RYR2: variants seen among roughly 807,000 people sequenced by gnomAD.
RYR2 encodes cardiac muscle ryanodine receptor-calcium release channel.
In RYR2, 227 loss-of-function variants were observed where a neutral mutation model predicts 601.1. That is an observed-to-expected ratio of 0.38 (90% CI 0.34 to 0.42). The LOEUF (loss-of-function observed/expected upper bound fraction) is 0.42. RYR2 is among the 10% of genes least tolerant of loss of function. The pLI, the probability that RYR2 is intolerant of heterozygous loss-of-function variation, is 1.00. For synonymous variants in RYR2, 2,223 were observed against 2,175.1 expected (o/e 1.02, Z -0.61); for missense variants, 4,646 against 6,156.5 (o/e 0.75, Z 8.21).
rs1226006232 is a variant in RYR2, at chr1:237,527,113, G to A, written c.2823-3314G>A. 1.8e-4 allele frequency among the ~76,000 whole-genome samples: 28 copies of A among 152,148 alleles called. 1 individual carries two copies. Among genetic ancestry groups the A allele is most frequent in the Admixed American group, 1.8e-3 (27 of 15,264 alleles). ...CTTTGTCAAAGATCAGTTGGTTGTA[G>A]GTATGTGGCTTTATTTTTGGGTTCT... is the stretch of plus-strand genomic sequence containing the variant. On this transcript the variant is annotated intron_variant, in intron 24 of 104. Coordinates refer to ENST00000366574, the MANE Select transcript of RYR2 (RefSeq NM_001035.3).
chr1:237,193,068 A>G (rs1290136243), intron 1 of RYR2, among the ~76,000 whole-genome samples: 1 of 147,508 alleles, frequency 6.8e-6, no homozygotes, highest in Non-Finnish European at 1.5e-5. Flanking sequence ...CATGCCTGTA[A>G]TCCCAGCATT....
intron 10 of RYR2, among the ~76,000 whole-genome samples, chr1:237,405,787 G>A (rs917697067): frequency 7.9e-5 from 12 of 151,640 alleles, no homozygotes; most frequent in African/African-American, 2.4e-4. Context: ...TGTTTACTGT[G>A]ATTTGAGGGT....
chr1:237,536,924 A>T (rs1436002335), intron 25 of RYR2, among the ~76,000 whole-genome samples: 1 of 152,036 alleles, frequency 6.6e-6, no homozygotes, highest in Non-Finnish European at 1.5e-5. Context: ...AAGAACTCCT[A>T]AAAATTAATA....
chr1:237,683,632 G>A (rs1471693734), intron 62 of RYR2, among the ~76,000 whole-genome samples: 2 of 152,104 alleles, frequency 1.3e-5, no homozygotes, highest in Non-Finnish European at 2.9e-5. Context: ...TTATATAGAT[G>A]GTAATGGATA....
intron 35 of RYR2, among the ~76,000 whole-genome samples, chr1:237,603,798 A>G (rs1676786069): frequency 6.6e-6 from 1 of 152,180 alleles, no homozygotes; most frequent in Admixed American, 6.5e-5. Context: ...CAGACTTTAA[A>G]CCAACAAAGA....
chr1:237,710,194 C>T (rs2149072575), intron 70 of RYR2, among the ~76,000 whole-genome samples: 1 of 152,198 alleles, frequency 6.6e-6, no homozygotes, highest in East Asian at 1.9e-4. Flanking sequence ...ATCATTATTT[C>T]AGTAACTAGC....
chr1:237,161,183 G>A (rs1675968538), intron 1 of RYR2, among the ~76,000 whole-genome samples: 1 of 152,120 alleles, frequency 6.6e-6, no homozygotes, highest in Non-Finnish European at 1.5e-5. Context: ...ACCAGATGAT[G>A]TTGTAATTAT....
intron 1 of RYR2, among the ~76,000 whole-genome samples, chr1:237,124,743 G>C (rs995537236): frequency 6.6e-6 from 1 of 152,098 alleles, no homozygotes; most frequent in Non-Finnish European, 1.5e-5. Flanking sequence ...ACATTCACAG[G>C]GTCTAGAAAT....
chr1:237,150,590 C>T (rs1674600483), intron 1 of RYR2, among the ~76,000 whole-genome samples: 4 of 152,148 alleles, frequency 2.6e-5, no homozygotes, highest in Admixed American at 1.3e-4. Context: ...ACAAAGAACA[C>T]ATAGCATAGT....
At chr1:237,803,333 TTG>T (rs2149425249) in intron 98 of RYR2, among the ~76,000 whole-genome samples, 1 of 148,926 alleles carries the variant, frequency 6.7e-6, no homozygotes, top group South Asian at 2.1e-4. Flanking sequence ...AGACAGAGTC[TTG>T]CACTGTCACC....
intron 17 of RYR2, 33 bp from the exon 18 acceptor site, chr1:237,491,773 G>GT (rs759155657): frequency 1.1e-4 from 117 of 1,034,400 alleles, no homozygotes; most frequent in East Asian, 1.6e-4. Flanking sequence ...TTAATCATGT[G>GT]TTTTTTTTCC....
In RYR2 at chr1:237,711,760, G is replaced by T; in HGVS notation, c.10246G>T (p.Glu3416Ter). 1 of 1,576,708 alleles carries T rather than the reference G, an allele frequency of 6.3e-7. No homozygotes were observed. Among genetic ancestry groups the T allele is most frequent in the South Asian group, 1.1e-5 (1 of 87,852 alleles). The change falls in exon 71 of 105, where the codon GAG becomes TAG. Residue 3416 changes from glutamate (E) to a stop codon, truncating the protein, a stop_gained. Transcript: ENST00000366574. LOFTEE classifies it high-confidence loss of function. ...AACTTCTCAGAATTTCAAAAGAGAA[G>T]AGCAGAACTTCGTTGTACAGAATGA... ...WSKSHNFKRE[E>*]QNFVVQNEIN...
intron 1 of RYR2, among the ~76,000 whole-genome samples, chr1:237,129,631 A>G (rs980183143): frequency 1.3e-5 from 2 of 151,074 alleles, no homozygotes; most frequent in Non-Finnish European, 2.9e-5. Flanking sequence ...AGATATATAT[A>G]TGTGTGTAGC....
intron 56 of RYR2, among the ~76,000 whole-genome samples, chr1:237,663,110 A>G (rs1683960079): frequency 6.6e-6 from 1 of 152,240 alleles, no homozygotes; most frequent in South Asian, 2.1e-4. Flanking sequence ...AATATACACC[A>G]AAGGCCACAA....
chr1:237,281,492 C>G (rs1331948164), intron 2 of RYR2, among the ~76,000 whole-genome samples: 1 of 152,186 alleles, frequency 6.6e-6, no homozygotes, highest in Non-Finnish European at 1.5e-5. Flanking sequence ...AAAAACCTAC[C>G]TGGAGTTCAC....
chr1:237,199,273 A>G (rs1375674624), intron 1 of RYR2, among the ~76,000 whole-genome samples: 1 of 152,204 alleles, frequency 6.6e-6, no homozygotes, highest in Non-Finnish European at 1.5e-5. Context: ...ACAATAGGCC[A>G]TCTGCAAGCT....
chr1:237,774,251 G>A (rs1470463316), intron 87 of RYR2, among the ~76,000 whole-genome samples: 1 of 152,060 alleles, frequency 6.6e-6, no homozygotes, highest in African/African-American at 2.4e-5. Flanking sequence ...CAGTGGACAT[G>A]TTACCCTGAA....
chr1:237,545,754 A>C (rs1474692271), intron 25 of RYR2, among the ~76,000 whole-genome samples: 1 of 105,966 alleles, frequency 9.4e-6, no homozygotes, highest in African/African-American at 4.2e-5. Flanking sequence ...CTTGAAAAAT[A>C]AAAAAAAAAA....
At chr1:237,518,336 G>T (rs2147835711) in intron 24 of RYR2, among the ~76,000 whole-genome samples, 1 of 152,026 alleles carries the variant, frequency 6.6e-6, no homozygotes, top group East Asian at 1.9e-4. Context: ...CAAAAGTCAA[G>T]ACTTTGAGGG....
Sources: allele counts gnomAD v4.1 joint callset (sites outside exome capture counted in the v4.1 genomes callset), GRCh38; gene constraint gnomAD v4.1.1; transcripts MANE v1.5; gene names NCBI Gene and HGNC (gene_info 2026-07-23, HGNC 2026-07-21).